DNAH9: variants seen among roughly 807,000 people sequenced by gnomAD.
The protein encoded by DNAH9 is DNAH9 variant protein.
Under a neutral mutation model 471.6 loss-of-function variants are expected in DNAH9, and 345 were observed. The observed-to-expected ratio is 0.73, with a 90% CI of 0.67 to 0.80. The LOEUF is 0.80. DNAH9 is among the 30% of genes least tolerant of loss of function. The pLI, the probability that DNAH9 is intolerant of heterozygous loss-of-function variation, is 0.00. For missense variants in DNAH9, 5,407 were observed against 5,609.2 expected, an observed-to-expected ratio of 0.96 and a Z score of 1.15; for synonymous variants, 2,093 against 2,123.6, an observed-to-expected ratio of 0.99 and a Z score of 0.40.
At chr17:11,934,332 C>A (rs1044801989) in intron 65 of DNAH9, among the ~76,000 whole-genome samples, 1 of 150,728 alleles carries the variant, frequency 6.6e-6, no homozygotes, top group African/African-American at 2.4e-5. Context: ...GGAGATCTTT[C>A]GATTCTTGAT....
At position 11,606,683 on chromosome 17, in the gene DNAH9, C is replaced by T. The variant is rs559527772; in HGVS notation, c.418-1446C>T. ...CAGGATGGTCTTGATGTCCTGATCT[C>T]GTGATCTGCCCACCTCGGTATACTG... On this transcript the variant is annotated intron_variant, in intron 1 of 68. Transcript: ENST00000262442. Among the ~76,000 whole-genome samples, 10 of 151,936 alleles carry T rather than the reference C, an allele frequency of 6.6e-5. No individual in the cohort carries two copies. In the East Asian group the frequency reaches 1.7e-3, roughly 27 times the overall value.
At chr17:11,905,421 G>A (rs1032771649) in intron 60 of DNAH9, among the ~76,000 whole-genome samples, 1 of 152,110 alleles carries the variant, frequency 6.6e-6, no homozygotes, top group Non-Finnish European at 1.5e-5. Context: ...AGTCAGCGAT[G>A]GCCTGCCTGG....
At chr17:11,674,470 T>C (rs376893966) in intron 17 of DNAH9, among the ~76,000 whole-genome samples, 1 of 152,216 alleles carries the variant, frequency 6.6e-6, no homozygotes, top group Admixed American at 6.5e-5. Context: ...CTTTTTATGT[T>C]TTTGGTGAGT....
intron 27 of DNAH9, among the ~76,000 whole-genome samples, chr17:11,725,173 G>A (rs2075130558): frequency 7.1e-6 from 1 of 141,404 alleles, no homozygotes; most frequent in African/African-American, 2.8e-5. Context: ...CTGCTGTGCG[G>A]CCTGGTTCCT....
intron 29 of DNAH9, 35 bp downstream of exon 29, chr17:11,739,072 A>G (rs750060546): frequency 7.9e-6 from 12 of 1,511,162 alleles, no homozygotes; most frequent in South Asian, 5.3e-5. Context: ...AAAAGCCCCA[A>G]AAGAGAAGTT....
chr17:11,631,192 T>C (rs534100021), intron 7 of DNAH9, among the ~76,000 whole-genome samples: 44 of 151,346 alleles, frequency 2.9e-4, no homozygotes, highest in African/African-American at 1.0e-3. Flanking sequence ...TAAGTCCACA[T>C]GCATGGGAGA....
At chr17:11,855,819 A>C (rs2150971886) in intron 50 of DNAH9, among the ~76,000 whole-genome samples, 1 of 152,340 alleles carries the variant, frequency 6.6e-6, no homozygotes, top group South Asian at 2.1e-4. Flanking sequence ...CCATCCTTCC[A>C]CATAGCTTAG....
Position 11,617,521 on chromosome 17 carries a change from C to T in DNAH9, c.1015C>T (p.Leu339Phe), listed in dbSNP as rs748889510. The change falls in exon 5 of 69, where the codon CTC (leucine) becomes TTC (phenylalanine). Residue 339 changes from leucine (L) to phenylalanine (F), a missense_variant. By Grantham distance (22) the Leu-to-Phe change is conservative. This residue lies in a region of DNAH9 where 767 missense variants were observed against 692.5 expected (regional missense o/e 1.11). Coordinates refer to ENST00000262442, the MANE Select transcript of DNAH9 (RefSeq NM_001372.4). ...PEVKPQLRPL[L>F]HVVCLIWATC... ...GGTGAAGCCCCAGCTGCGGCCCCTGCTCCACGTGGTCTGTCTGATTTGGGC... is the reference window on the plus strand; with the variant it reads ...GGTGAAGCCCCAGCTGCGGCCCCTGTTCCACGTGGTCTGTCTGATTTGGGC... 6.2e-7 allele frequency: 1 copy of T among 1,614,118 alleles called. No homozygotes were observed. Among genetic ancestry groups the T allele is most frequent in the East Asian group, 2.2e-5 (1 of 44,862 alleles).
intron 27 of DNAH9, among the ~76,000 whole-genome samples, chr17:11,722,601 G>A (rs373191438): frequency 6.6e-6 from 1 of 152,142 alleles, no homozygotes; most frequent in Non-Finnish European, 1.5e-5. Flanking sequence ...GTGGTCAAGC[G>A]CCCTTGCTAT....
intron 48 of DNAH9, among the ~76,000 whole-genome samples, chr17:11,832,096 G>A (rs1269444227): frequency 6.6e-6 from 1 of 152,214 alleles, no homozygotes; most frequent in South Asian, 2.1e-4. Context: ...TAAGGGAGAA[G>A]AGAAAGATGT....
rs150023546 is a variant in DNAH9, at chr17:11,727,893, G to A, written c.5785G>A (p.Val1929Met). 504 of 1,614,060 alleles carry A rather than the reference G, an allele frequency of 3.1e-4. 4 individuals carry two copies. The highest frequency in any genetic ancestry group is 2.5e-3 in the South Asian group (232 of 91,080). ...CTTTGATGAGTTTAATCGAATCTCC[G>A]TGGAGGTCTTGTCAGTGGTGGCAGT... ...GCFDEFNRIS[V>M]EVLSVVAVQV... Residue 1929 changes from valine (V) to methionine (M), a missense_variant, in exon 28 of 69, where the codon GTG becomes ATG. Transcript: ENST00000262442.
intron 12 of DNAH9, among the ~76,000 whole-genome samples, chr17:11,649,422 C>G (rs997697544): frequency 6.6e-6 from 1 of 151,738 alleles, no homozygotes; most frequent in Admixed American, 6.6e-5. Flanking sequence ...TCTTTTGTTG[C>G]GTATAAAATA....
intron 17 of DNAH9, among the ~76,000 whole-genome samples, chr17:11,673,906 A>G (rs2074010438): frequency 6.6e-6 from 1 of 152,184 alleles, no homozygotes; most frequent in Non-Finnish European, 1.5e-5. Flanking sequence ...ACATATGTAT[A>G]TGCATACATA....
chr17:11,956,361 C>G lies in DNAH9; in HGVS notation c.12844-5506C>G, dbSNP rs534829580. Among the ~76,000 whole-genome samples, 246 of 149,388 alleles carry G rather than the reference C, an allele frequency of 1.6e-3. 2 individuals are homozygous for G. The highest frequency in any genetic ancestry group is 5.7e-3 in the African/African-American group (223 of 38,930). ...ACATAAAGCAAAAAAATGATAGAAT[C>G]AAAAGAAGAAATAAACAAATCCATA... On this transcript the variant is annotated intron_variant, in intron 67 of 68. Coordinates refer to ENST00000262442, the MANE Select transcript of DNAH9 (RefSeq NM_001372.4).
chr17:11,920,465 A>T (rs1396102671), intron 61 of DNAH9, among the ~76,000 whole-genome samples: 1 of 151,496 alleles, frequency 6.6e-6, no homozygotes, highest in Admixed American at 6.6e-5. Flanking sequence ...TACTAAAAAT[A>T]CACAAATTAG....
At chr17:11,940,002 CA>C (rs1974850217) in intron 66 of DNAH9, among the ~76,000 whole-genome samples, 1 of 152,068 alleles carries the variant, frequency 6.6e-6, no homozygotes. Flanking sequence ...GAATATATAC[CA>C]AAAAACCAAT....
intron 8 of DNAH9, among the ~76,000 whole-genome samples, chr17:11,634,604 T>A (rs1414386714): frequency 6.6e-6 from 1 of 152,218 alleles, no homozygotes; most frequent in Non-Finnish European, 1.5e-5. Context: ...GAGGCAGAGC[T>A]ACTTTTTACT....
intron 6 of DNAH9, among the ~76,000 whole-genome samples, chr17:11,627,464 G>A (rs1277863812): frequency 1.3e-5 from 2 of 152,122 alleles, no homozygotes; most frequent in Admixed American, 6.5e-5. Context: ...GAATTATGAC[G>A]AATGAGTACC....
At chr17:11,778,114 G>A (rs1360459707) in intron 38 of DNAH9, among the ~76,000 whole-genome samples, 1 of 151,764 alleles carries the variant, frequency 6.6e-6, no homozygotes, top group Non-Finnish European at 1.5e-5. Context: ...GGGGTATGAG[G>A]GAGCAAACTG....
Sources: gnomAD v4.1 joint callset for allele counts (sites outside exome capture counted in the v4.1 genomes callset) on GRCh38, gnomAD v4.1.1 for gene constraint, gnomAD v4.1.1 regional missense constraint, MANE v1.5 for transcripts, NCBI Gene and HGNC (gene_info 2026-07-23, HGNC 2026-07-21) for gene names.